Variants in CUX2 observed in about 807,000 individuals in gnomAD.
The protein encoded by CUX2 is cut like homeobox 2.
Under a neutral mutation model 144.8 loss-of-function variants are expected in CUX2, and 40 were observed. That is an observed-to-expected ratio of 0.28 (90% CI 0.21 to 0.36). The LOEUF (loss-of-function observed/expected upper bound fraction) is 0.36, where lower values mean the gene tolerates loss of function less well. Among genes scored for constraint, CUX2 ranks in the 10% least tolerant of loss-of-function variants. CUX2 has a pLI of 1.00. For synonymous variants in CUX2, 827 were observed against 875.6 expected, an observed-to-expected ratio of 0.94 and a Z score of 0.98; for missense variants, 1,615 against 1,994.0, an observed-to-expected ratio of 0.81 and a Z score of 3.62.
intron 1 of CUX2, among the ~76,000 whole-genome samples, chr12:111,202,182 G>A (rs1339461201): frequency 6.6e-6 from 1 of 152,222 alleles, no homozygotes; most frequent in African/African-American, 2.4e-5. Context: ...ATTTTGCCGG[G>A]GGAAGCACTC....
chr12:111,181,426 G>A (rs1006897540), intron 1 of CUX2, among the ~76,000 whole-genome samples: 3 of 152,224 alleles, frequency 2.0e-5, no homozygotes, highest in Non-Finnish European at 4.4e-5. Context: ...CTGATTGGGC[G>A]ATTGATTGGC....
intron 3 of CUX2, among the ~76,000 whole-genome samples, chr12:111,242,988 A>T (rs866630724): frequency 6.6e-6 from 1 of 152,180 alleles, no homozygotes; most frequent in Admixed American, 6.5e-5. Flanking sequence ...TTTGCTGAAT[A>T]TGATGGTTTC....
intron 3 of CUX2, among the ~76,000 whole-genome samples, chr12:111,231,460 A>G (rs1882458833): frequency 6.6e-6 from 1 of 152,238 alleles, no homozygotes; most frequent in Non-Finnish European, 1.5e-5. Flanking sequence ...ATTTCTGAAA[A>G]TGTAAAATTG....
intron 1 of CUX2, among the ~76,000 whole-genome samples, chr12:111,194,564 G>A (rs903063226): frequency 3.3e-5 from 5 of 152,264 alleles, no homozygotes; most frequent in Admixed American, 6.5e-5. Context: ...AGCACCGATC[G>A]GCCAGAGCTG....
At chr12:111,225,096 G>A (rs924571013) in intron 3 of CUX2, among the ~76,000 whole-genome samples, 5 of 152,060 alleles carry the variant, frequency 3.3e-5, no homozygotes, top group African/African-American at 1.2e-4. Context: ...TGTAGAGATG[G>A]GGTTTCACCA....
chr12:111,231,636 T>G (rs890211953), intron 3 of CUX2, among the ~76,000 whole-genome samples: 1 of 152,202 alleles, frequency 6.6e-6, no homozygotes, highest in African/African-American at 2.4e-5. Context: ...CACAGTCCAT[T>G]TGTATCCATG....
At chr12:111,294,460 T>TC (rs1592929040) in intron 6 of CUX2, among the ~76,000 whole-genome samples, 1 of 151,422 alleles carries the variant, frequency 6.6e-6, no homozygotes, top group South Asian at 2.1e-4. Context: ...GCACCTGTGG[T>TC]CCCAGCTACA....
Position 111,039,441 on chromosome 12 carries a change from C to T in CUX2, c.63+5201C>T, listed in dbSNP as rs1869631528. Among the ~76,000 whole-genome samples, 1 of 152,200 alleles carries T rather than the reference C, an allele frequency of 6.6e-6. No homozygotes were observed. Among genetic ancestry groups the T allele is most frequent in the African/African-American group, 2.4e-5 (1 of 41,454 alleles). On this transcript the variant is annotated intron_variant, in intron 1 of 21. Coordinates refer to ENST00000261726, the MANE Select transcript of CUX2 (RefSeq NM_015267.4). The surrounding 1 kb of genome is among the most constrained non-coding windows in gnomAD (Gnocchi z 4.2). Reference sequence around the variant, plus strand: ...ATCATCCCACATCCCAAGTCTCCTGCTTCTTAACCCTTGAAGTCAGCTGGC... The same window carrying T: ...ATCATCCCACATCCCAAGTCTCCTGTTTCTTAACCCTTGAAGTCAGCTGGC...
intron 5 of CUX2, among the ~76,000 whole-genome samples, chr12:111,291,963 G>T (rs771609955): frequency 6.6e-6 from 1 of 152,142 alleles, no homozygotes; most frequent in Non-Finnish European, 1.5e-5. Context: ...TGGACATGAC[G>T]CAGGTGAGGC....
chr12:111,134,649 T>TGTGTGTGTGTGTGTGTGTGTGTGTG (rs1566244481), intron 1 of CUX2, among the ~76,000 whole-genome samples: 1 of 151,758 alleles, frequency 6.6e-6, no homozygotes, highest in African/African-American at 2.4e-5. Context: ...TGTGTGTGTG[T>TGTGTGTGTGTGTGTGTGTGTGTGTG]TTCTGCTGCT....
At chr12:111,298,279 C>T (rs1210816705) in intron 8 of CUX2, among the ~76,000 whole-genome samples, 1 of 152,190 alleles carries the variant, frequency 6.6e-6, no homozygotes, top group African/African-American at 2.4e-5. Flanking sequence ...CCAGGCACTA[C>T]CAGGACAAAG....
rs902892659 is a variant in CUX2, at chr12:111,055,441, C to T, written c.63+21201C>T. ...GGCCCCGGCCCTCGGAGGATATCCT[C>T]TTCAGCCTCTGCAAGCAAGGGGGTT... is the stretch of plus-strand genomic sequence containing the variant. On this transcript the variant is annotated intron_variant, in intron 1 of 21. Coordinates refer to ENST00000261726, the MANE Select transcript of CUX2 (RefSeq NM_015267.4). Among the ~76,000 whole-genome samples the T allele has an allele frequency of 5.9e-4, 90 of 152,402 alleles. 1 individual carries two copies. The highest frequency in any genetic ancestry group is 2.0e-3 in the African/African-American group (84 of 41,600).
intron 18 of CUX2, among the ~76,000 whole-genome samples, chr12:111,332,698 C>T (rs1367101333): frequency 6.6e-6 from 1 of 152,134 alleles, no homozygotes; most frequent in Non-Finnish European, 1.5e-5. Flanking sequence ...CCAGTTTGAA[C>T]AGTTATTAAT....
chr12:111,170,799 ATGAAAATAGCAGGTTGTT>A (rs1878473658), intron 1 of CUX2, among the ~76,000 whole-genome samples: 1 of 152,112 alleles, frequency 6.6e-6, no homozygotes, highest in Non-Finnish European at 1.5e-5. Flanking sequence ...TGTTGGAAAG[ATGAAAATAGCAGGTTGTT>A]CCTCTCCGTG....
At chr12:111,262,259 G>A (rs1289219306) in intron 3 of CUX2, among the ~76,000 whole-genome samples, 2 of 152,188 alleles carry the variant, frequency 1.3e-5, no homozygotes, top group Non-Finnish European at 2.9e-5. Flanking sequence ...TTGGTGCATA[G>A]CAGGTGCTCA....
rs373823031 is a variant in CUX2 at position 111,271,207 on chromosome 12, G to A, written c.301+7368G>A. ...ATAGAATAGGAAAATGCTCTACAAC[G>A]TTTAAAATTTTTAAATTTGTCTCCT... On this transcript the variant is annotated intron_variant, in intron 4 of 21. Coordinates refer to ENST00000261726, the MANE Select transcript of CUX2 (RefSeq NM_015267.4). Among the ~76,000 whole-genome samples the A allele has an allele frequency of 4.6e-5, 7 of 151,538 alleles. No individual in the cohort carries two copies. In the South Asian group the frequency reaches 6.4e-4, roughly 14 times the overall value.
At chr12:111,259,090 G>A (rs866230014) in intron 3 of CUX2, among the ~76,000 whole-genome samples, 19 of 139,164 alleles carry the variant, frequency 1.4e-4, no homozygotes, top group Middle Eastern at 7.8e-3. Context: ...TGTGTGTGGA[G>A]ATAGGGTCTT....
intron 1 of CUX2, among the ~76,000 whole-genome samples, chr12:111,044,622 G>A (rs1008717430): frequency 2.0e-5 from 3 of 152,184 alleles, no homozygotes; most frequent in Non-Finnish European, 2.9e-5. Flanking sequence ...CACCTGATGT[G>A]ATAATATTTA....
chr12:111,082,628 GAC>G (rs1321976347), intron 1 of CUX2, among the ~76,000 whole-genome samples: 1 of 152,116 alleles, frequency 6.6e-6, no homozygotes, highest in Non-Finnish European at 1.5e-5. Context: ...TGGGAGAGAG[GAC>G]ACAGCTTTGA....
Sources: gnomAD v4.1 joint callset for allele counts (sites outside exome capture counted in the v4.1 genomes callset) on GRCh38, gnomAD v4.1.1 for gene constraint, Gnocchi (gnomAD v3.1) non-coding constraint, MANE v1.5 for transcripts, NCBI Gene and HGNC (gene_info 2026-07-23, HGNC 2026-07-21) for gene names.